The following TMEM132D variants were observed in gnomAD, a reference collection of about 807,000 sequenced individuals.
TMEM132D encodes the protein mature OL transmembrane protein.
In TMEM132D, 21 loss-of-function variants were observed where a neutral mutation model predicts 62.3. The ratio of observed to expected loss-of-function variants is 0.34; its 90% CI spans 0.24 to 0.49. The LOEUF (loss-of-function observed/expected upper bound fraction) is 0.49, where lower values mean the gene tolerates loss of function less well. Among genes scored for constraint, TMEM132D ranks in the 20% least tolerant of loss-of-function variants. The pLI is 0.99. For synonymous variants in TMEM132D, 621 were observed against 575.6 expected, an observed-to-expected ratio of 1.08 and a Z score of -1.13; for missense variants, 1,346 against 1,402.8, an observed-to-expected ratio of 0.96 and a Z score of 0.65.
At chr12:129,134,368 C>G (rs1255482772) in intron 5 of TMEM132D, among the ~76,000 whole-genome samples, 1 of 152,116 alleles carries the variant, frequency 6.6e-6, no homozygotes, top group South Asian at 2.1e-4. Context: ...TGGTTACAGA[C>G]AAACAGCATG....
chr12:129,282,972 T>G (rs576846652), intron 4 of TMEM132D, among the ~76,000 whole-genome samples: 106 of 152,316 alleles, frequency 7.0e-4, no homozygotes, highest in African/African-American at 2.5e-3. Flanking sequence ...ATGAGTTTTC[T>G]GGGTACGACA....
intron 2 of TMEM132D, among the ~76,000 whole-genome samples, chr12:129,696,280 G>A (rs1881205587): frequency 6.6e-6 from 1 of 152,146 alleles, no homozygotes; most frequent in Non-Finnish European, 1.5e-5. Context: ...CCTTAGTAAT[G>A]TCTCATTCCA....
rs192924694 is a variant in TMEM132D, at chr12:129,779,848, G to T, written c.80-79150C>A. On this transcript the variant is annotated intron_variant, in intron 1 of 8. Transcript: ENST00000422113. This position sits in a 1 kb window ranked among gnomAD's most constrained non-coding sequence, Gnocchi z 4.1. ...AAGACAGAGAGAAATGAACTGAGCT[G>T]CGAGGACAATAATTAAAAGAATCTG... Among the ~76,000 whole-genome samples the T allele has an allele frequency of 1.3e-5, 2 of 152,136 alleles. No homozygotes were observed. Among genetic ancestry groups the T allele is most frequent in the South Asian group, 4.2e-4 (2 of 4,818 alleles).
At chr12:129,707,200 TAATA>T (rs1363633023) in intron 1 of TMEM132D, among the ~76,000 whole-genome samples, 1 of 147,966 alleles carries the variant, frequency 6.8e-6, no homozygotes, top group Non-Finnish European at 1.5e-5. Context: ...CATTGTAATA[TAATA>T]TATAATAGTA....
At chr12:129,139,691 C>A (rs79204460) in intron 5 of TMEM132D, among the ~76,000 whole-genome samples, 4,698 of 152,202 alleles carry the variant, frequency 0.031, 237 homozygotes, top group African/African-American at 0.11. Context: ...ACATCATCAT[C>A]ATAATAATTA....
At chr12:129,581,795 A>G (rs936850120) in intron 2 of TMEM132D, among the ~76,000 whole-genome samples, 1 of 152,194 alleles carries the variant, frequency 6.6e-6, no homozygotes, top group Admixed American at 6.5e-5. Flanking sequence ...ACCCAGGGAC[A>G]ATACTTTGCA....
intron 5 of TMEM132D, among the ~76,000 whole-genome samples, chr12:129,124,043 T>C (rs1357663085): frequency 6.6e-6 from 1 of 152,192 alleles, no homozygotes; most frequent in African/African-American, 2.4e-5. Flanking sequence ...CCCATCTGTC[T>C]ATCTATGTGC....
chr12:129,337,676 A>T lies in TMEM132D; in HGVS notation c.1257T>A (p.Tyr419Ter), dbSNP rs1351396807. ...ITSDLGVSKI[Y>*]VSPKDLIGVV... ...CTCCAATCAAGTCCTTTGGGCTCAC[A>T]TAGATCTTGGACACTCCCAAGTCAG... Residue 419 changes from tyrosine to a stop codon, truncating the protein, a stop_gained, in exon 4 of 9, where the codon TAT becomes TAA. Coordinates refer to ENST00000422113, the MANE Select transcript of TMEM132D (RefSeq NM_133448.3). LOFTEE classifies it high-confidence loss of function. 4 of 1,614,126 alleles carry T rather than the reference A, an allele frequency of 2.5e-6. No individual in the cohort carries two copies. Among genetic ancestry groups the T allele is most frequent in the Non-Finnish European group, 3.4e-6 (4 of 1,180,010 alleles).
intron 2 of TMEM132D, among the ~76,000 whole-genome samples, chr12:129,651,399 T>C (rs557179149): frequency 2.1e-4 from 32 of 152,318 alleles, no homozygotes; most frequent in African/African-American, 7.5e-4. Flanking sequence ...AAATGACTCA[T>C]GTTTCAGCTT....
At chr12:129,843,075 C>T (rs1873248015) in intron 1 of TMEM132D, among the ~76,000 whole-genome samples, 1 of 152,102 alleles carries the variant, frequency 6.6e-6, no homozygotes, top group Non-Finnish European at 1.5e-5. Context: ...TTGGAAGTCT[C>T]TAACAATGTT....
intron 1 of TMEM132D, among the ~76,000 whole-genome samples, chr12:129,859,070 G>T (rs966877939): frequency 6.7e-6 from 1 of 148,386 alleles, no homozygotes; most frequent in African/African-American, 2.5e-5. Flanking sequence ...GAGTCCGGGG[G>T]AACGGGATGG....
At chr12:129,289,837 C>T (rs1415110296) in intron 4 of TMEM132D, among the ~76,000 whole-genome samples, 1 of 152,160 alleles carries the variant, frequency 6.6e-6, no homozygotes, top group South Asian at 2.1e-4. Context: ...CATAGCAAGA[C>T]CTCATCTCTG....
intron 4 of TMEM132D, among the ~76,000 whole-genome samples, chr12:129,336,308 T>C (rs1869269412): frequency 6.6e-6 from 1 of 152,154 alleles, no homozygotes; most frequent in African/African-American, 2.4e-5. Flanking sequence ...CTGGGCACGG[T>C]GGCTCACATC....
chr12:129,770,732 G>A (rs1870717978), intron 1 of TMEM132D, among the ~76,000 whole-genome samples: 1 of 152,118 alleles, frequency 6.6e-6, no homozygotes, highest in South Asian at 2.1e-4. Flanking sequence ...CCTACAGGTG[G>A]GCAAAATCAT....
At position 129,646,800 on chromosome 12, in the gene TMEM132D, ATTTT is replaced by A. The variant is rs35593697; in HGVS notation, c.968+53006_968+53009del. On this transcript the variant is annotated intron_variant, in intron 2 of 8. Coordinates refer to ENST00000422113, the MANE Select transcript of TMEM132D (RefSeq NM_133448.3). ...ATAAACACACATATAAATAACATGC[ATTTT>A]TTTTTTTTTTTTGATATGGAGTTTT... Among the ~76,000 whole-genome samples the A allele has an allele frequency of 3.7e-5, 5 of 135,754 alleles. No individual in the cohort carries two copies. In the East Asian group the frequency reaches 6.5e-4, roughly 18 times the overall value. 89.1% of individuals were successfully genotyped at this position (135,754 alleles called of 152,430 possible).
chr12:129,469,773 T>C (rs527635490), intron 3 of TMEM132D, among the ~76,000 whole-genome samples: 1 of 152,334 alleles, frequency 6.6e-6, no homozygotes, highest in East Asian at 1.9e-4. Flanking sequence ...CTTTGTCGTC[T>C]CTGTTGAAGA....
intron 4 of TMEM132D, among the ~76,000 whole-genome samples, chr12:129,216,053 C>T (rs567689972): frequency 2.0e-5 from 3 of 152,262 alleles, no homozygotes; most frequent in South Asian, 4.2e-4. Flanking sequence ...GGGACACAGC[C>T]AAACCATATC....
At chr12:129,493,853 T>C (rs1357684285) in intron 3 of TMEM132D, among the ~76,000 whole-genome samples, 2 of 152,158 alleles carry the variant, frequency 1.3e-5, no homozygotes, top group East Asian at 3.9e-4. Flanking sequence ...GATCTATAAA[T>C]AATCCCAATT....
intron 1 of TMEM132D, among the ~76,000 whole-genome samples, chr12:129,804,544 CATA>C (rs1871908492): frequency 6.6e-6 from 1 of 150,964 alleles, no homozygotes; most frequent in Admixed American, 6.6e-5. Context: ...TGTATTTCAA[CATA>C]ATAAGAGCTA....
Sources: allele counts gnomAD v4.1 joint callset (sites outside exome capture counted in the v4.1 genomes callset), GRCh38; gene constraint gnomAD v4.1.1; non-coding constraint Gnocchi (gnomAD v3.1); transcripts MANE v1.5; gene names NCBI Gene and HGNC (gene_info 2026-07-23, HGNC 2026-07-21).